The following MPZL1 variants were observed in gnomAD, a reference collection of about 807,000 sequenced individuals.
MPZL1 encodes myelin protein zero-like protein 1.
In MPZL1, 16 loss-of-function variants were observed where a neutral mutation model predicts 29.3. The ratio of observed to expected loss-of-function variants is 0.55; its 90% CI spans 0.37 to 0.83. The LOEUF (loss-of-function observed/expected upper bound fraction) is 0.83, where lower values mean the gene tolerates loss of function less well. MPZL1 is among the 40% of genes least tolerant of loss of function. MPZL1 has a pLI of 0.00. For synonymous variants in MPZL1, 143 were observed against 132.0 expected, an observed-to-expected ratio of 1.08 and a Z score of -0.57; for missense variants, 279 against 332.9, an observed-to-expected ratio of 0.84 and a Z score of 1.26.
Position 167,748,460 on chromosome 1 carries a change from C to T in MPZL1, c.92-17123C>T, listed in dbSNP as rs116204665. 6.1e-3 allele frequency among the ~76,000 whole-genome samples: 925 copies of T among 152,266 alleles called. 8 individuals are homozygous for T. The highest frequency in any genetic ancestry group is 0.021 in the African/African-American group (872 of 41,560). On this transcript the variant is annotated intron_variant, in intron 1 of 5. Transcript: ENST00000359523. ...TCTTTGGAGAAATGATATTCATGTA[C>T]ATTACCCATTTTTAAATTGTTTAAT... is the stretch of plus-strand genomic sequence containing the variant.
Position 167,725,745 on chromosome 1 carries a change from A to G in MPZL1, c.91+3503A>G, listed in dbSNP as rs558811121. The stretch of plus-strand genomic sequence containing the variant: ...GGTGATCCACCCGCCTTGGCCTCCC[A>G]AAGTGCTGGGATTACAGGCGTGAGC... On this transcript the variant is annotated intron_variant, in intron 1 of 5. Transcript: ENST00000359523. Among the ~76,000 whole-genome samples, 3 of 152,298 alleles carry G rather than the reference A, an allele frequency of 2.0e-5. No homozygotes were observed. In the East Asian group the frequency reaches 5.8e-4, roughly 29 times the overall value.
chr1:167,732,211 C>T (rs767540660), intron 1 of MPZL1, among the ~76,000 whole-genome samples: 2 of 152,142 alleles, frequency 1.3e-5, no homozygotes, highest in East Asian at 1.9e-4. Context: ...AGCTTGTTGG[C>T]TTGTACAATA....
At position 167,732,027 on chromosome 1, in the gene MPZL1, G is replaced by C. The variant is rs542067154; in HGVS notation, c.91+9785G>C. Among the ~76,000 whole-genome samples the C allele has an allele frequency of 5.9e-5, 9 of 152,208 alleles. No individual in the cohort carries two copies. In the East Asian group the frequency reaches 1.5e-3, roughly 26 times the overall value. ...ACTGTTTACAACTGTGATCCTATTT[G>C]GTATGACTAATTGTATTTTTCACCG... On this transcript the variant is annotated intron_variant, in intron 1 of 5. Transcript: ENST00000359523.
At position 167,730,101 on chromosome 1, in the gene MPZL1, T is replaced by C. The variant is rs74120645; in HGVS notation, c.91+7859T>C. ...GTCCTGGGGCATCCAGATTTCTTCTTTGGGGTGATGTTTGTGCCAAGATCC... is the reference window on the plus strand; with the variant it reads ...GTCCTGGGGCATCCAGATTTCTTCTCTGGGGTGATGTTTGTGCCAAGATCC... On this transcript the variant is annotated intron_variant, in intron 1 of 5. Coordinates refer to ENST00000359523, the MANE Select transcript of MPZL1 (RefSeq NM_003953.6). Among the ~76,000 whole-genome samples the C allele has an allele frequency of 1.2e-3, 180 of 152,294 alleles. 1 individual carries two copies. The highest frequency in any genetic ancestry group is 4.1e-3 in the African/African-American group (170 of 41,554).
At chr1:167,752,228 A>C (rs994027185) in intron 1 of MPZL1, among the ~76,000 whole-genome samples, 3 of 152,240 alleles carry the variant, frequency 2.0e-5, no homozygotes, top group Non-Finnish European at 2.9e-5. Flanking sequence ...TGCATCTTTC[A>C]TAAAATATTC....
chr1:167,746,019 A>G (rs1226273951), intron 1 of MPZL1, among the ~76,000 whole-genome samples: 2 of 152,118 alleles, frequency 1.3e-5, no homozygotes, highest in African/African-American at 2.4e-5. Context: ...GGTGTCTTCA[A>G]TTACATGAAC....
chr1:167,786,429 T>G (rs1048883016), intron 5 of MPZL1, among the ~76,000 whole-genome samples: 1 of 152,234 alleles, frequency 6.6e-6, no homozygotes, highest in Non-Finnish European at 1.5e-5. Flanking sequence ...GTAGATATTA[T>G]TAGTAGTACC....
At chr1:167,745,454 T>TAA (rs1660626013) in intron 1 of MPZL1, among the ~76,000 whole-genome samples, 3 of 152,098 alleles carry the variant, frequency 2.0e-5, no homozygotes, top group Non-Finnish European at 4.4e-5. Context: ...TGTGTGTCTT[T>TAA]TAAAAACACG....
At chr1:167,743,428 G>T (rs1185479017) in intron 1 of MPZL1, among the ~76,000 whole-genome samples, 1 of 151,852 alleles carries the variant, frequency 6.6e-6, no homozygotes, top group African/African-American at 2.4e-5. Flanking sequence ...GGCTGGTCTC[G>T]ATCTCTTGAC....
chr1:167,725,631 G>A (rs570018155), intron 1 of MPZL1, among the ~76,000 whole-genome samples: 1 of 151,990 alleles, frequency 6.6e-6, no homozygotes, highest in African/African-American at 2.4e-5. Flanking sequence ...GACTACAGGC[G>A]CATGCCACCA....
At chr1:167,761,552 A>G (rs1265676002) in intron 1 of MPZL1, among the ~76,000 whole-genome samples, 1 of 152,164 alleles carries the variant, frequency 6.6e-6, no homozygotes, top group Non-Finnish European at 1.5e-5. Flanking sequence ...TCTCGGTGAA[A>G]TAAGCAGCTC....
chr1:167,744,375 C>CT (rs964715759), intron 1 of MPZL1, among the ~76,000 whole-genome samples: 25 of 152,036 alleles, frequency 1.6e-4, no homozygotes, highest in African/African-American at 5.5e-4. Context: ...TGTCCAGAGT[C>CT]TAAGTGTTCT....
chr1:167,731,663 T>C (rs919684736), intron 1 of MPZL1, among the ~76,000 whole-genome samples: 6 of 151,882 alleles, frequency 4.0e-5, no homozygotes, highest in African/African-American at 9.7e-5. Context: ...TGGTCTCGAT[T>C]TCCTGACCTC....
intron 4 of MPZL1, among the ~76,000 whole-genome samples, chr1:167,775,573 C>G (rs917161544): frequency 6.6e-6 from 1 of 152,192 alleles, no homozygotes; most frequent in East Asian, 1.9e-4. Context: ...ATGGAGAGAA[C>G]AAGATAAGCC....
At chr1:167,747,260 G>A (rs561400981) in intron 1 of MPZL1, among the ~76,000 whole-genome samples, 5 of 152,072 alleles carry the variant, frequency 3.3e-5, no homozygotes, top group African/African-American at 4.8e-5. Flanking sequence ...TCACTCTGTC[G>A]TCTAGGCCGG....
intron 1 of MPZL1, among the ~76,000 whole-genome samples, chr1:167,745,587 T>C (rs1466588068): frequency 6.6e-6 from 1 of 152,110 alleles, no homozygotes; most frequent in African/African-American, 2.4e-5. Flanking sequence ...TTTTATGATA[T>C]TACTGATTTC....
chr1:167,744,683 C>CAAAAAAA (rs3075159), intron 1 of MPZL1, among the ~76,000 whole-genome samples: 1 of 126,946 alleles, frequency 7.9e-6, no homozygotes, highest in African/African-American at 2.9e-5. Flanking sequence ...AACTCAGTCT[C>CAAAAAAA]AAAAAAAAAA....
intron 1 of MPZL1, among the ~76,000 whole-genome samples, chr1:167,739,310 C>CATATATATATATATATATATATATAT (rs68082264): frequency 9.9e-6 from 1 of 101,370 alleles, no homozygotes; most frequent in African/African-American, 5.0e-5. Context: ...TATATATATA[C>CATATATATATATATATATATATATAT]ACATATATAT....
At chr1:167,731,555 G>T (rs1660271163) in intron 1 of MPZL1, among the ~76,000 whole-genome samples, 1 of 150,114 alleles carries the variant, frequency 6.7e-6, no homozygotes. Context: ...TCCTGCCTCA[G>T]CCTCCAAAGT....
Sources: allele counts gnomAD v4.1 joint callset (sites outside exome capture counted in the v4.1 genomes callset), GRCh38; gene constraint gnomAD v4.1.1; transcripts MANE v1.5; gene names NCBI Gene and HGNC (gene_info 2026-07-23, HGNC 2026-07-21).